The following ELF2 variants were observed in gnomAD, a reference collection of about 807,000 sequenced individuals.
ELF2 encodes ETS-related transcription factor Elf-2.
Under a neutral mutation model 54.8 loss-of-function variants are expected in ELF2, and 11 were observed. The ratio of observed to expected loss-of-function variants is 0.20; its 90% CI spans 0.13 to 0.33. ELF2 has a LOEUF of 0.33. Among genes scored for constraint, ELF2 ranks in the 10% least tolerant of loss-of-function variants. ELF2 has a pLI of 1.00. For missense variants in ELF2, 513 were observed against 703.0 expected (o/e 0.73, Z 3.06); for synonymous variants, 203 against 245.1 (o/e 0.83, Z 1.61).
chr4:139,087,554 C>G (rs2148747479), intron 4 of ELF2, among the ~76,000 whole-genome samples: 1 of 152,316 alleles, frequency 6.6e-6, no homozygotes, highest in African/African-American at 2.4e-5. Context: ...CAAGCTCCGC[C>G]TCCCGGGTTC....
intron 4 of ELF2, among the ~76,000 whole-genome samples, chr4:139,121,260 T>C (rs571415359): frequency 1.8e-3 from 271 of 150,756 alleles, no homozygotes; most frequent in Admixed American, 3.0e-3. Context: ...AGGCGCCCGC[T>C]ACCACGCCCG....
intron 4 of ELF2, among the ~76,000 whole-genome samples, chr4:139,078,707 T>C (rs1483105447): frequency 1.3e-5 from 2 of 152,024 alleles, no homozygotes; most frequent in Non-Finnish European, 2.9e-5. Flanking sequence ...AGTACTCAGA[T>C]ACATGCGGCT....
chr4:139,108,053 T>C (rs1734593379), intron 4 of ELF2, among the ~76,000 whole-genome samples: 1 of 152,166 alleles, frequency 6.6e-6, no homozygotes, highest in Non-Finnish European at 1.5e-5. Flanking sequence ...AATGTCATGA[T>C]AATTAATACA....
chr4:139,137,443 C>T (rs1216725419), intron 3 of ELF2, 187 bp downstream of exon 3: 9 of 616,218 alleles, frequency 1.5e-5, no homozygotes, highest in Admixed American at 5.9e-5. Flanking sequence ...CAACAATTCA[C>T]GTAAGCCCTG....
chr4:139,103,765 T>G (rs979132688), intron 4 of ELF2, among the ~76,000 whole-genome samples: 3 of 152,246 alleles, frequency 2.0e-5, no homozygotes, highest in African/African-American at 7.2e-5. Context: ...ACTGACTGAC[T>G]AGTTTATTGG....
At chr4:139,087,925 GA>G (rs908967673) in intron 4 of ELF2, among the ~76,000 whole-genome samples, 6 of 151,818 alleles carry the variant, frequency 4.0e-5, no homozygotes, top group East Asian at 3.8e-4. Flanking sequence ...AATACACTGG[GA>G]AAAAAAATTT....
intron 1 of ELF2, among the ~76,000 whole-genome samples, chr4:139,164,086 G>C (rs947362097): frequency 2.0e-5 from 3 of 149,210 alleles, no homozygotes; most frequent in African/African-American, 7.5e-5. Context: ...GAAAGAGGGA[G>C]GGAGAGAGGG....
rs1740488444 is a variant in ELF2, at chr4:139,156,004, T to TGATA, written c.-251-16508_-251-16507insTATC. On this transcript the variant is annotated intron_variant, in intron 1 of 9. Coordinates refer to ENST00000686138, the MANE Select transcript of ELF2 (RefSeq NM_001331036.3). Reference sequence around the variant, plus strand: ...TACAGCTCATTTTACAAGAAAAAATTGAAGAGGCTAATTGGAAAGTGATAT... The same window carrying TGATA: ...TACAGCTCATTTTACAAGAAAAAATTGATAGAAGAGGCTAATTGGAAAGTGATAT... Among the ~76,000 whole-genome samples, 4 of 152,130 alleles carry TGATA rather than the reference T, an allele frequency of 2.6e-5. 1 individual carries two copies. In the South Asian group the frequency reaches 8.3e-4, roughly 32 times the overall value.
chr4:139,058,214 A>C lies in ELF2; in HGVS notation c.*769T>G, dbSNP rs1175226759. ...CCACAATTAAGAAACTGACAGACTT[A>C]AACTACCATATAAAATGTTACATGT... On this transcript the variant is annotated 3_prime_UTR_variant, in exon 10 of 10. Coordinates refer to ENST00000686138, the MANE Select transcript of ELF2 (RefSeq NM_001331036.3). 1 of 152,394 alleles carries C rather than the reference A, an allele frequency of 6.6e-6. No individual in the cohort carries two copies. The highest frequency in any genetic ancestry group is 1.9e-4 in the East Asian group (1 of 5,190). The allele number at this position is 152,394 out of a possible 1,614,324, so 9.4% of individuals were successfully genotyped here.
chr4:139,139,072 C>G (rs922588938), intron 2 of ELF2, among the ~76,000 whole-genome samples: 2 of 152,062 alleles, frequency 1.3e-5, no homozygotes, highest in East Asian at 3.9e-4. Context: ...AAAAATCAAG[C>G]ATATCTGAAG....
chr4:139,099,076 T>C (rs1385924878), intron 4 of ELF2, among the ~76,000 whole-genome samples: 2 of 152,250 alleles, frequency 1.3e-5, no homozygotes, highest in Non-Finnish European at 2.9e-5. Context: ...TTAAAATAAA[T>C]GTCCCTCTTT....
At chr4:139,149,455 C>T (rs1427874265) in intron 1 of ELF2, among the ~76,000 whole-genome samples, 2 of 151,724 alleles carry the variant, frequency 1.3e-5, no homozygotes, top group African/African-American at 4.8e-5. Flanking sequence ...ACTAAAAATA[C>T]AAAAATGCTA....
At chr4:139,166,119 C>T (rs1741696779) in intron 1 of ELF2, among the ~76,000 whole-genome samples, 1 of 152,036 alleles carries the variant, frequency 6.6e-6, no homozygotes, top group Non-Finnish European at 1.5e-5. Context: ...GGGCGGATCA[C>T]CTGAGGTCAG....
chr4:139,065,333 C>G (rs1728531675), intron 7 of ELF2, among the ~76,000 whole-genome samples: 3 of 152,024 alleles, frequency 2.0e-5, no homozygotes, highest in African/African-American at 7.2e-5. Context: ...TAAAATTAGC[C>G]AGACACGGTG....
intron 4 of ELF2, among the ~76,000 whole-genome samples, chr4:139,089,426 T>A (rs1054751943): frequency 1.3e-5 from 2 of 152,188 alleles, no homozygotes; most frequent in Admixed American, 6.5e-5. Context: ...AAATAACATA[T>A]AACAGATGAA....
chr4:139,130,126 G>A (rs1737343205), intron 3 of ELF2, among the ~76,000 whole-genome samples: 1 of 151,954 alleles, frequency 6.6e-6, no homozygotes, highest in Non-Finnish European at 1.5e-5. Flanking sequence ...ACCATGGAAA[G>A]ACACAGGGAG....
chr4:139,158,350 A>T (rs536667633), intron 1 of ELF2, among the ~76,000 whole-genome samples: 8 of 152,332 alleles, frequency 5.3e-5, no homozygotes, highest in Admixed American at 4.6e-4. Flanking sequence ...ATGATGGCTT[A>T]GCTTGGACTC....
At position 139,073,500 on chromosome 4, in the gene ELF2, C is replaced by G; in HGVS notation, c.306G>C (p.Leu102=). ...TDKTIEAAEA[L]LHMESPTCLR... ...AGCAGGTAGGAGATTCCATATGAAGCAGGGCTTCAGCAGCTTCAATTGTCT... is the reference window on the plus strand; with the variant it reads ...AGCAGGTAGGAGATTCCATATGAAGGAGGGCTTCAGCAGCTTCAATTGTCT... The change falls in exon 5 of 10, where the codon CTG becomes CTC. Residue 102 remains leucine (L), a synonymous_variant. Transcript: ENST00000686138. The G allele has an allele frequency of 6.2e-7, 1 of 1,609,320 alleles. No homozygotes were observed. The highest frequency in any genetic ancestry group is 8.5e-7 in the Non-Finnish European group (1 of 1,176,856).
chr4:139,165,664 A>G (rs538879284), intron 1 of ELF2, among the ~76,000 whole-genome samples: 6 of 152,296 alleles, frequency 3.9e-5, no homozygotes, highest in African/African-American at 1.4e-4. Flanking sequence ...CTCCGTCTTA[A>G]AAAAATAAAA....
Sources: gnomAD v4.1 joint callset for allele counts (sites outside exome capture counted in the v4.1 genomes callset) on GRCh38, gnomAD v4.1.1 for gene constraint, MANE v1.5 for transcripts, NCBI Gene and HGNC (gene_info 2026-07-23, HGNC 2026-07-21) for gene names.